The following OSBPL6 variants were observed in gnomAD, a reference collection of about 807,000 sequenced individuals.
OSBPL6 encodes the protein oxysterol binding protein like 6, also known as oxysterol-binding protein-related protein 6.
Under a neutral mutation model 125.8 loss-of-function variants are expected in OSBPL6, and 49 were observed. That is an observed-to-expected ratio of 0.39 (90% CI 0.31 to 0.49). OSBPL6 has a LOEUF of 0.49. Ranked by LOEUF, OSBPL6 falls within the 20% of genes least tolerant of loss-of-function variation. The pLI, the probability that OSBPL6 is intolerant of heterozygous loss-of-function variation, is 0.88. For missense variants in OSBPL6, 986 were observed against 1,135.4 expected (o/e 0.87, Z 1.89); for synonymous variants, 394 against 391.8 (o/e 1.01, Z -0.07).
At chr2:178,229,794 T>C (rs2090738229) in intron 1 of OSBPL6, among the ~76,000 whole-genome samples, 1 of 151,974 alleles carries the variant, frequency 6.6e-6, no homozygotes, top group African/African-American at 2.4e-5. Context: ...CTAGCACTAC[T>C]GCACTCCAGC....
At chr2:178,314,861 C>A (rs1390611342) in intron 3 of OSBPL6, among the ~76,000 whole-genome samples, 3 of 152,132 alleles carry the variant, frequency 2.0e-5, no homozygotes, top group African/African-American at 7.2e-5. Flanking sequence ...GGCCCCTCCA[C>A]TATTAGATGT....
chr2:178,355,263 A>AC (rs1272106291), intron 12 of OSBPL6, among the ~76,000 whole-genome samples: 1 of 151,422 alleles, frequency 6.6e-6, no homozygotes, highest in African/African-American at 2.5e-5. Flanking sequence ...AGATAGAGAC[A>AC]CAAAAAAACC....
intron 2 of OSBPL6, among the ~76,000 whole-genome samples, chr2:178,289,789 A>C (rs184624341): frequency 6.6e-6 from 1 of 152,160 alleles, no homozygotes; most frequent in Non-Finnish European, 1.5e-5. Flanking sequence ...AACTTTCCAC[A>C]TACTAGGTTT....
intron 1 of OSBPL6, among the ~76,000 whole-genome samples, chr2:178,198,616 T>C (rs200954582): frequency 3.8e-5 from 1 of 26,058 alleles, no homozygotes; most frequent in African/African-American, 8.7e-5. Flanking sequence ...AGACTCCATC[T>C]CATAAATAAA....
chr2:178,197,487 T>C (rs2088970566), intron 1 of OSBPL6, among the ~76,000 whole-genome samples: 1 of 152,192 alleles, frequency 6.6e-6, no homozygotes, highest in Non-Finnish European at 1.5e-5. Context: ...AAAGGGAGTA[T>C]GTTCCAAGTT....
chr2:178,241,772 C>T (rs577551292), intron 1 of OSBPL6, among the ~76,000 whole-genome samples: 1 of 152,242 alleles, frequency 6.6e-6, no homozygotes, highest in African/African-American at 2.4e-5. Context: ...TTGCCTTGGA[C>T]AACAGTGACT....
intron 1 of OSBPL6, among the ~76,000 whole-genome samples, chr2:178,283,047 A>G (rs943509599): frequency 1.3e-5 from 2 of 152,222 alleles, no homozygotes; most frequent in African/African-American, 4.8e-5. Flanking sequence ...GCAGAAAATA[A>G]AAAGATGCAA....
At chr2:178,275,226 A>C (rs2092445769) in intron 1 of OSBPL6, among the ~76,000 whole-genome samples, 2 of 152,142 alleles carry the variant, frequency 1.3e-5, no homozygotes, top group Admixed American at 1.3e-4. Flanking sequence ...CAGAAAGATA[A>C]TGGTGCTGGG....
At chr2:178,261,005 G>A (rs907225309) in intron 1 of OSBPL6, among the ~76,000 whole-genome samples, 1 of 152,048 alleles carries the variant, frequency 6.6e-6, no homozygotes, top group Non-Finnish European at 1.5e-5. Flanking sequence ...GATGGCAGGC[G>A]CCTGTAATCC....
chr2:178,394,006 C>T (rs1387344107), intron 23 of OSBPL6, among the ~76,000 whole-genome samples: 1 of 152,202 alleles, frequency 6.6e-6, no homozygotes, highest in Non-Finnish European at 1.5e-5. Flanking sequence ...TCCTGAAAAT[C>T]TCAAGTTATA....
intron 1 of OSBPL6, among the ~76,000 whole-genome samples, chr2:178,240,921 C>T (rs10205083): frequency 0.15 from 22,094 of 152,062 alleles, 3,612 homozygotes; most frequent in African/African-American, 0.4. Context: ...CTCAGTAATC[C>T]ATCTTATCCA....
chr2:178,369,697 A>G (rs1693196835), intron 13 of OSBPL6, among the ~76,000 whole-genome samples: 1 of 152,194 alleles, frequency 6.6e-6, no homozygotes, highest in African/African-American at 2.4e-5. Flanking sequence ...TTGTGTTCCC[A>G]TCACACATAC....
At position 178,233,564 on chromosome 2, in the gene OSBPL6, C is replaced by T. The variant is rs144070492; in HGVS notation, c.-351+38890C>T. Reference sequence around the variant, plus strand: ...GTGTCAGATTAAAAATCTCATCAGACGTCAGTGTCTTTGATTTCACTCACA... The same window carrying T: ...GTGTCAGATTAAAAATCTCATCAGATGTCAGTGTCTTTGATTTCACTCACA... On this transcript the variant is annotated intron_variant, in intron 1 of 24. Transcript: ENST00000190611. Among the ~76,000 whole-genome samples, 703 of 152,224 alleles carry T rather than the reference C, an allele frequency of 4.6e-3. 7 individuals are homozygous for T. The highest frequency in any genetic ancestry group is 7.5e-3 in the Non-Finnish European group (510 of 68,014).
chr2:178,291,119 A>G (rs1363624730), intron 2 of OSBPL6, among the ~76,000 whole-genome samples: 2 of 143,276 alleles, frequency 1.4e-5, no homozygotes, highest in Non-Finnish European at 3.1e-5. Flanking sequence ...TTTTTTTTTT[A>G]CCTTTTATTA....
chr2:178,393,199 C>T (rs1369655921), intron 23 of OSBPL6, among the ~76,000 whole-genome samples: 1 of 152,162 alleles, frequency 6.6e-6, no homozygotes, highest in Non-Finnish European at 1.5e-5. Flanking sequence ...ACTTCTATAA[C>T]TCTGTAACAT....
At chr2:178,271,816 TA>T (rs958994651) in intron 1 of OSBPL6, among the ~76,000 whole-genome samples, 3 of 152,178 alleles carry the variant, frequency 2.0e-5, no homozygotes, top group African/African-American at 7.2e-5. Flanking sequence ...ATCCAATAGA[TA>T]CTAGAAATGT....
intron 22 of OSBPL6, among the ~76,000 whole-genome samples, 185 bp from the exon 23 acceptor site, chr2:178,392,227 G>T (rs1695468041): frequency 1.3e-5 from 2 of 152,150 alleles, no homozygotes; most frequent in African/African-American, 4.8e-5. Flanking sequence ...TGTCAATTCT[G>T]ATCATCAACA....
chr2:178,213,163 C>A (rs1421204370), intron 1 of OSBPL6, among the ~76,000 whole-genome samples: 2 of 152,078 alleles, frequency 1.3e-5, no homozygotes, highest in African/African-American at 2.4e-5. Flanking sequence ...TCTTCTTCCA[C>A]CCACCTAAAA....
intron 15 of OSBPL6, among the ~76,000 whole-genome samples, chr2:178,381,867 CACAGCCACTCTCA>C (rs1559318159): frequency 6.6e-6 from 1 of 152,198 alleles, no homozygotes; most frequent in African/African-American, 2.4e-5. Context: ...TCCCCTCTGT[CACAGCCACTCTCA>C]ACATCCTTGC....
Sources: allele counts gnomAD v4.1 joint callset (sites outside exome capture counted in the v4.1 genomes callset), GRCh38; gene constraint gnomAD v4.1.1; transcripts MANE v1.5; gene names NCBI Gene and HGNC (gene_info 2026-07-23, HGNC 2026-07-21).